Variants in MYT1L observed in about 807,000 individuals in gnomAD.
MYT1L encodes myelin transcription factor 1-like protein.
Under a neutral mutation model 126.7 loss-of-function variants are expected in MYT1L, and 12 were observed. That is an observed-to-expected ratio of 0.09 (90% CI 0.06 to 0.15). MYT1L has a LOEUF of 0.15. MYT1L is among the 10% of genes least tolerant of loss of function. The pLI is 1.00. For missense variants in MYT1L, 979 were observed against 1,585.2 expected (o/e 0.62, Z 6.49); for synonymous variants, 541 against 604.2 (o/e 0.90, Z 1.53).
At chr2:1,990,863 A>G (rs1259740358) in intron 5 of MYT1L, among the ~76,000 whole-genome samples, 1 of 152,200 alleles carries the variant, frequency 6.6e-6, no homozygotes, top group Non-Finnish European at 1.5e-5. Context: ...AGGCTGGCGC[A>G]TGCCCTGGTG....
chr2:1,932,070 A>G (rs925408983), intron 9 of MYT1L, among the ~76,000 whole-genome samples: 27 of 151,956 alleles, frequency 1.8e-4, no homozygotes, highest in Admixed American at 2.0e-4. Context: ...CACTGCCTAC[A>G]CTCCCATGGC....
chr2:2,181,206 AC>A (rs1244190171), intron 2 of MYT1L, among the ~76,000 whole-genome samples: 1 of 147,266 alleles, frequency 6.8e-6, no homozygotes, highest in Non-Finnish European at 1.5e-5. Context: ...TGTGCCGTGT[AC>A]CTGTGTTTGT....
At chr2:2,225,171 GC>G (rs2093976665) in intron 2 of MYT1L, among the ~76,000 whole-genome samples, 1 of 151,500 alleles carries the variant, frequency 6.6e-6, no homozygotes, top group Non-Finnish European at 1.5e-5. Context: ...AGTGGCCACA[GC>G]CCCAACACAC....
rs1472665221 is a variant in MYT1L, at chr2:1,929,801, TC to T, written c.506-6539del. 1.3e-5 allele frequency among the ~76,000 whole-genome samples: 2 copies of T among 152,208 alleles called. No homozygotes were observed. The highest frequency in any genetic ancestry group is 6.5e-5 in the Admixed American group (1 of 15,282). On this transcript the variant is annotated intron_variant, in intron 9 of 24. Transcript: ENST00000647738. This position sits in a 1 kb window ranked among gnomAD's most constrained non-coding sequence, Gnocchi z 4.7. ...AATTTAATATGTGAAGAAACTTAGG[TC>T]CTGGGAGTTGAAGTCACCTGCTTGC...
intron 4 of MYT1L, among the ~76,000 whole-genome samples, chr2:2,018,041 C>T (rs868118926): frequency 6.6e-6 from 1 of 152,148 alleles, no homozygotes; most frequent in Middle Eastern, 3.2e-3. Context: ...TATACACACA[C>T]AAACGCACAC....
chr2:2,309,630 G>C (rs1486871082), intron 1 of MYT1L, among the ~76,000 whole-genome samples: 1 of 148,888 alleles, frequency 6.7e-6, no homozygotes, highest in African/African-American at 2.5e-5. Context: ...CCTACACTTT[G>C]ATATACTCTA....
intron 4 of MYT1L, among the ~76,000 whole-genome samples, chr2:2,004,643 ATTCTTTCCTGCGTGCC>A (rs766133558): frequency 0.33 from 33,480 of 101,170 alleles, 4,316 homozygotes; most frequent in East Asian, 0.42. Context: ...TCCTGCAGGC[ATTCTTTCCTGCGTGCC>A]TTCTTTCCTG....
At chr2:1,988,701 T>A (rs1243687127) in intron 5 of MYT1L, among the ~76,000 whole-genome samples, 12 of 152,224 alleles carry the variant, frequency 7.9e-5, no homozygotes, top group Admixed American at 7.8e-4. Context: ...AATAAAAGAA[T>A]CTTAGGTAAG....
intron 8 of MYT1L, among the ~76,000 whole-genome samples, chr2:1,956,952 G>C (rs2058532404): frequency 1.3e-5 from 2 of 152,308 alleles, no homozygotes; most frequent in South Asian, 4.1e-4. Context: ...CTCTAATTCA[G>C]TATCTCCATT....
intron 18 of MYT1L, among the ~76,000 whole-genome samples, chr2:1,861,897 A>AGCCTCTGTAATCCTGGATCTGCCTG (rs2044697129): frequency 2.3e-4 from 1 of 4,366 alleles, no homozygotes; most frequent in African/African-American, 7.6e-4. Flanking sequence ...GGATCCTCCT[A>AGCCTCTGTAATCCTGGATCTGCCTG]CAGCCTGTGT....
chr2:2,109,569 C>A (rs779837039), intron 3 of MYT1L, among the ~76,000 whole-genome samples: 173 of 151,894 alleles, frequency 1.1e-3, no homozygotes, highest in Middle Eastern at 6.8e-3. Context: ...GAAAAAAAAA[C>A]CACTGGTATA....
At chr2:2,198,880 A>T (rs548968454) in intron 2 of MYT1L, among the ~76,000 whole-genome samples, 1 of 152,028 alleles carries the variant, frequency 6.6e-6, no homozygotes, top group Non-Finnish European at 1.5e-5. Context: ...TAATAAAAAT[A>T]CCATAGACCA....
intron 3 of MYT1L, among the ~76,000 whole-genome samples, chr2:2,134,033 C>G (rs772731206): frequency 6.6e-6 from 1 of 152,204 alleles, no homozygotes; most frequent in Non-Finnish European, 1.5e-5. Context: ...TTGTTCCAAA[C>G]AGCTGAAAGT....
chr2:1,903,206 T>C lies in MYT1L; in HGVS notation c.1906A>G (p.Lys636Glu). 1 of 1,614,012 alleles carries C rather than the reference T, an allele frequency of 6.2e-7. No individual in the cohort carries two copies. The highest frequency in any genetic ancestry group is 8.5e-7 in the Non-Finnish European group (1 of 1,179,892). The change falls in exon 14 of 25, where the codon AAG (lysine) becomes GAG (glutamate). Residue 636 changes from lysine (K) to glutamate (E), a missense_variant. Transcript: ENST00000647738. ...PTTTPRSNLAKELEKYSKTSF... is the reference protein window; with the variant it reads ...PTTTPRSNLAEELEKYSKTSF... Reference sequence around the variant, plus strand: ...GTCTTGGAATATTTCTCGAGCTCCTTGGCCAGGTTGGAACGCGGCGTAGTT... The same window carrying C: ...GTCTTGGAATATTTCTCGAGCTCCTCGGCCAGGTTGGAACGCGGCGTAGTT...
At chr2:2,155,521 G>C (rs115864097) in intron 3 of MYT1L, among the ~76,000 whole-genome samples, 2 of 152,098 alleles carry the variant, frequency 1.3e-5, no homozygotes, top group African/African-American at 4.8e-5. Context: ...ACAATCCTTC[G>C]TTTATTCATG....
At chr2:1,890,435 G>A (rs1210116540) in intron 15 of MYT1L, among the ~76,000 whole-genome samples, 3 of 151,966 alleles carry the variant, frequency 2.0e-5, no homozygotes, top group Non-Finnish European at 4.4e-5. Context: ...TGCAGTTGTA[G>A]CTAAAAATAC....
chr2:2,273,605 T>C (rs1166539991), intron 2 of MYT1L, among the ~76,000 whole-genome samples: 1 of 152,176 alleles, frequency 6.6e-6, no homozygotes, highest in Non-Finnish European at 1.5e-5. Flanking sequence ...CTGTAGGCAG[T>C]GCCTGGACCT....
rs2031805945 is a variant in MYT1L at position 1,790,176 on chromosome 2, G to A, written c.*1691C>T. Reference sequence around the variant, plus strand: ...AGTGCAAATAGTCGACTGGCACATTGTGGGGACAATGACCCTGTAAGTCCT... The same window carrying A: ...AGTGCAAATAGTCGACTGGCACATTATGGGGACAATGACCCTGTAAGTCCT... On this transcript the variant is annotated 3_prime_UTR_variant, in exon 25 of 25. Coordinates refer to ENST00000647738, the MANE Select transcript of MYT1L (RefSeq NM_001303052.2). 1 of 152,106 alleles carries A rather than the reference G, an allele frequency of 6.6e-6. No homozygotes were observed. Among genetic ancestry groups the A allele is most frequent in the African/African-American group, 2.4e-5 (1 of 41,414 alleles). 9.4% of individuals were successfully genotyped at this position (152,106 alleles called of 1,614,324 possible). A position where few individuals can be genotyped will look rare whatever the true frequency, so the allele number is the denominator to read the frequency against.
chr2:2,213,862 C>T (rs2093602470), intron 2 of MYT1L, among the ~76,000 whole-genome samples: 1 of 152,090 alleles, frequency 6.6e-6, no homozygotes, highest in African/African-American at 2.4e-5. Flanking sequence ...ATAAAATCCA[C>T]AGTGAGGAGA....
Sources: allele counts gnomAD v4.1 joint callset (sites outside exome capture counted in the v4.1 genomes callset), GRCh38; gene constraint gnomAD v4.1.1; non-coding constraint Gnocchi (gnomAD v3.1); transcripts MANE v1.5; gene names NCBI Gene and HGNC (gene_info 2026-07-23, HGNC 2026-07-21).